ERBB4: variants seen among roughly 807,000 people sequenced by gnomAD.
ERBB4 encodes the protein receptor tyrosine-protein kinase erbB-4.
ERBB4 carries 42 observed loss-of-function variants against 158.0 expected under a neutral mutation model. That is an observed-to-expected ratio of 0.27 (90% confidence interval 0.21 to 0.34). The LOEUF (loss-of-function observed/expected upper bound fraction) is 0.34, where lower values mean the gene tolerates loss of function less well. Ranked by LOEUF, ERBB4 falls within the 10% of genes least tolerant of loss-of-function variation. The pLI is 1.00. For missense variants in ERBB4, 1,333 were observed against 1,624.1 expected, an observed-to-expected ratio of 0.82 and a Z score of 3.08; for synonymous variants, 583 against 558.7, an observed-to-expected ratio of 1.04 and a Z score of -0.61.
chr2:212,221,345 CTT>C (rs1309109877), intron 1 of ERBB4, among the ~76,000 whole-genome samples: 1 of 151,454 alleles, frequency 6.6e-6, no homozygotes, highest in Non-Finnish European at 1.5e-5. Context: ...CAAGGATGTT[CTT>C]GTTAAAATTT....
intron 1 of ERBB4, among the ~76,000 whole-genome samples, chr2:212,191,330 A>T (rs2082180867): frequency 6.6e-6 from 1 of 152,092 alleles, no homozygotes; most frequent in African/African-American, 2.4e-5. Flanking sequence ...TTAACGAATC[A>T]TCCATTTTTT....
intron 2 of ERBB4, among the ~76,000 whole-genome samples, chr2:211,955,738 A>T (rs1234278061): frequency 2.0e-5 from 3 of 152,112 alleles, no homozygotes; most frequent in Non-Finnish European, 4.4e-5. Context: ...ACGCTGTAAC[A>T]ATTTAAACTG....
At chr2:212,204,939 C>T (rs2082700666) in intron 1 of ERBB4, among the ~76,000 whole-genome samples, 1 of 151,422 alleles carries the variant, frequency 6.6e-6, no homozygotes, top group African/African-American at 2.4e-5. Context: ...CTGCCTCAGC[C>T]TCCCGAGTAG....
chr2:212,112,661 A>G (rs1015460389), intron 2 of ERBB4, among the ~76,000 whole-genome samples: 2 of 152,146 alleles, frequency 1.3e-5, no homozygotes, highest in African/African-American at 4.8e-5. Context: ...AGCCTGTTTC[A>G]TCACTTACAA....
chr2:211,978,806 T>A (rs746545236), intron 2 of ERBB4, among the ~76,000 whole-genome samples: 7 of 152,166 alleles, frequency 4.6e-5, no homozygotes, highest in Non-Finnish European at 8.8e-5. Context: ...GTTCTCTAAC[T>A]ACACCAAAGA....
At chr2:211,809,302 G>C (rs1253205675) in intron 3 of ERBB4, among the ~76,000 whole-genome samples, 1 of 152,158 alleles carries the variant, frequency 6.6e-6, no homozygotes. Context: ...GAATTTGTCT[G>C]TGAATCCATC....
At chr2:211,644,990 G>A (rs2070733468) in intron 16 of ERBB4, among the ~76,000 whole-genome samples, 1 of 151,860 alleles carries the variant, frequency 6.6e-6, no homozygotes, top group South Asian at 2.1e-4. Context: ...GGGGAGGAGA[G>A]TAAGAGATAG....
At chr2:212,217,130 A>G (rs2083125112) in intron 1 of ERBB4, among the ~76,000 whole-genome samples, 1 of 151,432 alleles carries the variant, frequency 6.6e-6, no homozygotes, top group African/African-American at 2.4e-5. Flanking sequence ...CTTGGATGCT[A>G]GAATATAATT....
intron 1 of ERBB4, among the ~76,000 whole-genome samples, chr2:212,265,943 T>C (rs1023741520): frequency 6.6e-6 from 1 of 152,034 alleles, no homozygotes; most frequent in Admixed American, 6.6e-5. Context: ...ATATAGTATA[T>C]AGGACACAGA....
At chr2:212,439,990 TATA>T (rs1222436614) in intron 1 of ERBB4, among the ~76,000 whole-genome samples, 1 of 152,194 alleles carries the variant, frequency 6.6e-6, no homozygotes, top group Admixed American at 6.5e-5. Context: ...CCCTATAGGA[TATA>T]ATAATGAGTT....
intron 1 of ERBB4, among the ~76,000 whole-genome samples, chr2:212,469,836 T>C (rs953910370): frequency 2.0e-5 from 3 of 152,122 alleles, no homozygotes; most frequent in African/African-American, 7.2e-5. Context: ...ACCAGTCTCA[T>C]GGTTTTTGGC....
chr2:212,373,927 A>C (rs1402489221), intron 1 of ERBB4, among the ~76,000 whole-genome samples: 4 of 76,470 alleles, frequency 5.2e-5, no homozygotes, highest in African/African-American at 3.3e-4. Context: ...ATATATATAT[A>C]TCCATATATA....
At chr2:211,554,728 C>T (rs894510419) in intron 20 of ERBB4, among the ~76,000 whole-genome samples, 4 of 152,292 alleles carry the variant, frequency 2.6e-5, no homozygotes, top group Admixed American at 6.5e-5. Context: ...GGTTGGTATT[C>T]GGCTCCTGAC....
At chr2:212,111,029 T>C (rs2371443) in intron 2 of ERBB4, among the ~76,000 whole-genome samples, 104,842 of 151,852 alleles carry the variant, frequency 0.69, 38,007 homozygotes, top group African/African-American at 0.89. Flanking sequence ...ACATTTCCAA[T>C]GAGGGGCTCT....
At chr2:212,425,179 A>C (rs989823401) in intron 1 of ERBB4, among the ~76,000 whole-genome samples, 2 of 151,358 alleles carry the variant, frequency 1.3e-5, no homozygotes, top group African/African-American at 2.4e-5. Flanking sequence ...AACTCTTTTG[A>C]AGTAAAAGTA....
At chr2:211,628,167 T>C (rs1202067257) in intron 17 of ERBB4, among the ~76,000 whole-genome samples, 1 of 108,166 alleles carries the variant, frequency 9.2e-6, no homozygotes, top group Non-Finnish European at 2.3e-5. Context: ...AGATATTCTT[T>C]TTTTTTTTTA....
At chr2:211,585,148 C>A (rs191536262) in intron 19 of ERBB4, among the ~76,000 whole-genome samples, 1 of 151,928 alleles carries the variant, frequency 6.6e-6, no homozygotes, top group Admixed American at 6.6e-5. Context: ...GTCAGGAGAT[C>A]GAGACCATCC....
At chr2:212,396,358 T>G (rs1241768676) in intron 1 of ERBB4, among the ~76,000 whole-genome samples, 2 of 152,278 alleles carry the variant, frequency 1.3e-5, no homozygotes, top group South Asian at 2.1e-4. Context: ...AGCCATATAG[T>G]TCAGTGATTC....
At chr2:212,318,934 G>A (rs1019673892) in intron 1 of ERBB4, among the ~76,000 whole-genome samples, 4 of 151,542 alleles carry the variant, frequency 2.6e-5, no homozygotes, top group African/African-American at 9.7e-5. Context: ...GAGAGCCAGT[G>A]GGGACCAATC....
Sources: allele counts gnomAD v4.1 joint callset (sites outside exome capture counted in the v4.1 genomes callset), GRCh38; gene constraint gnomAD v4.1.1; transcripts MANE v1.5; gene names NCBI Gene and HGNC (gene_info 2026-07-23, HGNC 2026-07-21).